KDM1B: variants seen among roughly 807,000 people sequenced by gnomAD.
The protein encoded by KDM1B is lysine demethylase 1B.
A neutral mutation model predicts 107.4 loss-of-function variants in KDM1B; 63 were observed. The ratio of observed to expected loss-of-function variants is 0.59; its 90% CI spans 0.48 to 0.72. The LOEUF is 0.72. Among genes scored for constraint, KDM1B ranks in the 30% least tolerant of loss-of-function variants. The probability of loss-of-function intolerance (pLI) is 0.00; values close to 1 mark genes in which losing one functional copy is unlikely to be tolerated. For missense variants in KDM1B, 749 were observed against 1,020.8 expected (o/e 0.73, Z 3.63); for synonymous variants, 363 against 363.9 (o/e 1.00, Z 0.03).
chr6:18,159,734 T>C lies in KDM1B; in HGVS notation c.-13-149T>C. The C allele has an allele frequency of 1.7e-6, 1 of 592,298 alleles. No individual in the cohort carries two copies. Among genetic ancestry groups the C allele is most frequent in the Non-Finnish European group, 2.9e-6 (1 of 342,508 alleles). The allele number at this position is 592,298 out of a possible 1,614,324, so 36.7% of individuals were successfully genotyped here. A position where few individuals can be genotyped will look rare whatever the true frequency, so the allele number is the denominator to read the frequency against. On this transcript the variant is annotated intron_variant, in intron 2 of 21. Coordinates refer to ENST00000650836, the MANE Select transcript of KDM1B (RefSeq NM_001364614.2). The surrounding 1 kb of genome is among the most constrained non-coding windows in gnomAD (Gnocchi z 4.5). ...GCTAGCCTGGGCAACATGGCAAGAA[T>C]GTCTCAAAAGAAAAGAAAGAAAACT...
Position 18,214,923 on chromosome 6 carries a change from C to CAAAACAA in KDM1B, c.2110-72_2110-66dup. On this transcript the variant is annotated intron_variant, in intron 19 of 21. Coordinates refer to ENST00000650836, the MANE Select transcript of KDM1B (RefSeq NM_001364614.2). The surrounding 1 kb of genome is among the most constrained non-coding windows in gnomAD (Gnocchi z 4.4). ...AAACTCTGTCTCATTTAAAACAAAA[C>CAAAACAA]AAAACAAAAAACAAAAAAAAGAGGC... 2 of 1,418,180 alleles carry CAAAACAA rather than the reference C, an allele frequency of 1.4e-6. No individual in the cohort carries two copies. Among genetic ancestry groups the CAAAACAA allele is most frequent in the Non-Finnish European group, 1.9e-6 (2 of 1,058,520 alleles). The allele number at this position is 1,418,180 out of a possible 1,614,324, so 87.8% of individuals were successfully genotyped here.
At chr6:18,183,066 T>C (rs972842745) in intron 7 of KDM1B, among the ~76,000 whole-genome samples, 1 of 152,146 alleles carries the variant, frequency 6.6e-6, no homozygotes, top group South Asian at 2.1e-4. Flanking sequence ...AAATAAGTTA[T>C]AGACACAAAG....
rs1372712875 is a variant in KDM1B, at chr6:18,200,975, A to T, written c.1359+399A>T. Among the ~76,000 whole-genome samples, 1 of 152,190 alleles carries T rather than the reference A, an allele frequency of 6.6e-6. No homozygotes were observed. ...CAATATTTGGGACATACTTATACTT[A>T]AAAAAATTATGTATTACTAATCTGA... On this transcript the variant is annotated intron_variant, in intron 13 of 21. Transcript: ENST00000650836. The surrounding 1 kb of genome is among the most constrained non-coding windows in gnomAD (Gnocchi z 4.3).
chr6:18,193,194 TAAA>T (rs541938365), intron 10 of KDM1B, among the ~76,000 whole-genome samples: 48 of 60,082 alleles, frequency 8.0e-4, no homozygotes, highest in Middle Eastern at 0.01. Flanking sequence ...AAACTCTGTC[TAAA>T]AAAAAAAAAA....
chr6:18,191,108 G>A lies in KDM1B; in HGVS notation c.785-89G>A. On this transcript the variant is annotated intron_variant, in intron 9 of 21. Coordinates refer to ENST00000650836, the MANE Select transcript of KDM1B (RefSeq NM_001364614.2). The surrounding 1 kb of genome is among the most constrained non-coding windows in gnomAD (Gnocchi z 5.1). Reference sequence around the variant, plus strand: ...AGGGTAGAGAGTGGAGCTTGTCTAGGCTTACTTTTTGGTTTGCTTTTGCCC... The same window carrying A: ...AGGGTAGAGAGTGGAGCTTGTCTAGACTTACTTTTTGGTTTGCTTTTGCCC... The A allele has an allele frequency of 8.8e-7, 1 of 1,141,662 alleles. No individual in the cohort carries two copies. Among genetic ancestry groups the A allele is most frequent in the South Asian group, 1.5e-5 (1 of 65,858 alleles). 70.7% of individuals were successfully genotyped at this position (1,141,662 alleles called of 1,614,324 possible). A position where few individuals can be genotyped will look rare whatever the true frequency, so the allele number is the denominator to read the frequency against.
rs1788322510 is a variant in KDM1B, at chr6:18,205,788, T to G, written c.1659+124T>G. ...GTGGGCAGATCATGAGGTCAGGAGA[T>G]CGAGACCATCCTGGCCAACATGGTG... On this transcript the variant is annotated intron_variant, in intron 15 of 21. Transcript: ENST00000650836. The surrounding 1 kb of genome is among the most constrained non-coding windows in gnomAD (Gnocchi z 5.7). The G allele has an allele frequency of 2.2e-6, 2 of 896,844 alleles. No homozygotes were observed. Among genetic ancestry groups the G allele is most frequent in the Non-Finnish European group, 3.0e-6 (2 of 665,522 alleles). The allele number at this position is 896,844 out of a possible 1,614,324, so 55.6% of individuals were successfully genotyped here.
At chr6:18,176,244 G>A (rs899849877) in intron 7 of KDM1B, among the ~76,000 whole-genome samples, 3 of 152,074 alleles carry the variant, frequency 2.0e-5, no homozygotes, top group African/African-American at 7.2e-5. Context: ...TTCTTGATTT[G>A]ACTCTCTGCT....
At chr6:18,180,790 T>C (rs560688522) in intron 7 of KDM1B, among the ~76,000 whole-genome samples, 2 of 152,352 alleles carry the variant, frequency 1.3e-5, no homozygotes, top group East Asian at 3.9e-4. Context: ...GGTCTCGAAC[T>C]CCTGATCTCA....
At position 18,200,912 on chromosome 6, in the gene KDM1B, C is replaced by G. The variant is rs1787988714; in HGVS notation, c.1359+336C>G. Among the ~76,000 whole-genome samples the G allele has an allele frequency of 6.6e-6, 1 of 152,010 alleles. No individual in the cohort carries two copies. Among genetic ancestry groups the G allele is most frequent in the African/African-American group, 2.4e-5 (1 of 41,376 alleles). The stretch of plus-strand genomic sequence containing the variant: ...TTCAGATAAACAAGTAATTTTTTAC[C>G]CAAGTATTTCCCAGTATTACATGGG... On this transcript the variant is annotated intron_variant, in intron 13 of 21. Transcript: ENST00000650836. This position sits in a 1 kb window ranked among gnomAD's most constrained non-coding sequence, Gnocchi z 4.3.
chr6:18,210,411 C>T (rs115003011), intron 17 of KDM1B, among the ~76,000 whole-genome samples: 2,242 of 125,638 alleles, frequency 0.018, 64 homozygotes, highest in African/African-American at 0.064. Flanking sequence ...AGCTGGAGTG[C>T]AGTGGTGCAG....
rs1369032876 is a variant in KDM1B, at chr6:18,223,642, T to G, written c.*1650T>G. On this transcript the variant is annotated 3_prime_UTR_variant, in exon 22 of 22. Transcript: ENST00000650836. ...ACTTTAAAGTATGGTAAATGTGTGT[T>G]TTAAACTTCCTATCAAGTGACATAC... The G allele has an allele frequency of 1.3e-5, 2 of 152,214 alleles. No individual in the cohort carries two copies. The highest frequency in any genetic ancestry group is 2.9e-5 in the Non-Finnish European group (2 of 68,042). The allele number at this position is 152,214 out of a possible 1,614,324, so 9.4% of individuals were successfully genotyped here.
chr6:18,223,347 G>GCCC lies in KDM1B; in HGVS notation c.*1361_*1363dup, dbSNP rs1348235361. 4.8e-4 allele frequency: 16 copies of GCCC among 33,384 alleles called. No individual in the cohort carries two copies. The highest frequency in any genetic ancestry group is 2.1e-3 in the African/African-American group (16 of 7,654). The allele number at this position is 33,384 out of a possible 1,614,324, so 2.1% of individuals were successfully genotyped here. A position where few individuals can be genotyped will look rare whatever the true frequency, so the allele number is the denominator to read the frequency against. ...ACACCTCCCCCACCGCCCGCCCCCC[G>GCCC]CCCCCCCCAATCAAAGTGTGGTCCC... On this transcript the variant is annotated 3_prime_UTR_variant, in exon 22 of 22. Coordinates refer to ENST00000650836, the MANE Select transcript of KDM1B (RefSeq NM_001364614.2).
At chr6:18,181,373 C>A (rs996165199) in intron 7 of KDM1B, among the ~76,000 whole-genome samples, 5 of 151,956 alleles carry the variant, frequency 3.3e-5, no homozygotes, top group Non-Finnish European at 5.9e-5. Context: ...AAAAGGAAGC[C>A]AAAGTGAAAT....
At chr6:18,173,475 AG>A (rs1785795912) in intron 7 of KDM1B, among the ~76,000 whole-genome samples, 1 of 152,008 alleles carries the variant, frequency 6.6e-6, no homozygotes, top group Non-Finnish European at 1.5e-5. Flanking sequence ...TTTTCTGAAT[AG>A]GTCTTTTATG....
At chr6:18,220,849 G>C (rs536668721) in intron 21 of KDM1B, among the ~76,000 whole-genome samples, 3 of 150,002 alleles carry the variant, frequency 2.0e-5, no homozygotes, top group African/African-American at 7.3e-5. Context: ...TTGGCTCACT[G>C]CAACCTCCGC....
rs936616516 is a variant in KDM1B at position 18,162,522 on chromosome 6, A to G, written c.216-313A>G. ...CCCCACGTTATTCTCTCATGTCCACATATGCAGCCTGCAGCAAGCACAGTG... is the reference window on the plus strand; with the variant it reads ...CCCCACGTTATTCTCTCATGTCCACGTATGCAGCCTGCAGCAAGCACAGTG... On this transcript the variant is annotated intron_variant, in intron 4 of 21. Coordinates refer to ENST00000650836, the MANE Select transcript of KDM1B (RefSeq NM_001364614.2). This position sits in a 1 kb window ranked among gnomAD's most constrained non-coding sequence, Gnocchi z 4.1. Among the ~76,000 whole-genome samples, 1 of 152,096 alleles carries G rather than the reference A, an allele frequency of 6.6e-6. No individual in the cohort carries two copies. The highest frequency in any genetic ancestry group is 1.5e-5 in the Non-Finnish European group (1 of 68,034).
Position 18,217,742 on chromosome 6 carries a change from G to C in KDM1B, c.2242G>C (p.Asp748His). The C allele has an allele frequency of 6.2e-7, 1 of 1,611,840 alleles. No individual in the cohort carries two copies. Among genetic ancestry groups the C allele is most frequent in the East Asian group, 2.2e-5 (1 of 44,836 alleles). Reference protein sequence around the residue: ...RELFKEQEVPDPTKYFVTRWS... With the variant: ...RELFKEQEVPHPTKYFVTRWS... ...TTTCTATTGGACATAGGAGGTCCCA[G>C]ATCCCACAAAGTATTTTGTCACTCG... The change falls in exon 21 of 22, where the codon GAT (aspartate) becomes CAT (histidine). Residue 748 changes from aspartate (D) to histidine (H), a missense_variant. Asp to His is a moderately conservative substitution (Grantham distance 81). Transcript: ENST00000650836.
chr6:18,197,538 C>T lies in KDM1B; in HGVS notation c.1147-49C>T, dbSNP rs777701824. ...CAGTTCCGGAACAACTAAAACAGGA[C>T]GTTGTTATCATCTGCTCTAATTGGA... On this transcript the variant is annotated intron_variant, in intron 11 of 21. Transcript: ENST00000650836. The surrounding 1 kb of genome is among the most constrained non-coding windows in gnomAD (Gnocchi z 4.5). 5.7e-6 allele frequency: 8 copies of T among 1,402,668 alleles called. No homozygotes were observed. The highest frequency in any genetic ancestry group is 2.8e-5 in the African/African-American group (2 of 70,834). 86.9% of individuals were successfully genotyped at this position (1,402,668 alleles called of 1,614,324 possible).
chr6:18,185,766 T>G lies in KDM1B; in HGVS notation c.535-6T>G, dbSNP rs778185356. The G allele has an allele frequency of 6.2e-7, 1 of 1,613,810 alleles. No homozygotes were observed. The highest frequency in any genetic ancestry group is 8.5e-7 in the Non-Finnish European group (1 of 1,179,664). ...CCCTAATTTAACACTTGGTTTTCTT[T>G]TGTAGCCTGAGACCTCAGATCATTG... On this transcript the variant is annotated splice_polypyrimidine_tract_variant and splice_region_variant and intron_variant, in intron 7 of 21. Transcript: ENST00000650836.
Sources: gnomAD v4.1 joint callset for allele counts (sites outside exome capture counted in the v4.1 genomes callset) on GRCh38, gnomAD v4.1.1 for gene constraint, Gnocchi (gnomAD v3.1) non-coding constraint, MANE v1.5 for transcripts, NCBI Gene and HGNC (gene_info 2026-07-23, HGNC 2026-07-21) for gene names.